SOX5: variants seen among roughly 807,000 people sequenced by gnomAD.
SOX5 encodes the protein transcription factor SOX-5.
SOX5 carries 9 observed loss-of-function variants against 92.0 expected under a neutral mutation model. The ratio of observed to expected loss-of-function variants is 0.10; its 90% CI spans 0.06 to 0.17. The LOEUF is 0.17. SOX5 is among the 10% of genes least tolerant of loss of function. The pLI is 1.00. For synonymous variants in SOX5, 344 were observed against 336.3 expected, an observed-to-expected ratio of 1.02 and a Z score of -0.25; for missense variants, 642 against 944.5, an observed-to-expected ratio of 0.68 and a Z score of 4.20.
chr12:24,321,586 T>A (rs1950215052), intron 2 of SOX5, among the ~76,000 whole-genome samples: 1 of 152,224 alleles, frequency 6.6e-6, no homozygotes, highest in Admixed American at 6.5e-5. Context: ...TCATTTCATA[T>A]TCATACTAGA....
chr12:23,982,026 A>T (rs1192113263), intron 4 of SOX5, among the ~76,000 whole-genome samples: 2 of 152,164 alleles, frequency 1.3e-5, no homozygotes, highest in Non-Finnish European at 2.9e-5. Flanking sequence ...TCTATATGTG[A>T]TCAACATCCA....
At chr12:23,749,792 T>C (rs1457193090) in intron 4 of SOX5, among the ~76,000 whole-genome samples, 1 of 151,936 alleles carries the variant, frequency 6.6e-6, no homozygotes, top group African/African-American at 2.4e-5. Context: ...AAATATCACA[T>C]TAAATCTGCT....
chr12:24,051,149 T>C (rs566928870), intron 4 of SOX5, among the ~76,000 whole-genome samples: 1 of 152,174 alleles, frequency 6.6e-6, no homozygotes. Context: ...GAAAAGATTA[T>C]TAAAGATTCA....
At chr12:24,093,833 C>T (rs1471466137) in intron 4 of SOX5, among the ~76,000 whole-genome samples, 2 of 152,014 alleles carry the variant, frequency 1.3e-5, no homozygotes, top group Non-Finnish European at 2.9e-5. Flanking sequence ...GTACCAGTTT[C>T]TACTGCCACT....
chr12:24,395,030 TCTA>T, intron 1 of SOX5, among the ~76,000 whole-genome samples: 1 of 152,336 alleles, frequency 6.6e-6, no homozygotes, highest in South Asian at 2.1e-4. Flanking sequence ...TAATGAGTAT[TCTA>T]CTATAGCCAG....
intron 1 of SOX5, among the ~76,000 whole-genome samples, chr12:24,436,327 A>G (rs982796511): frequency 6.6e-6 from 1 of 152,234 alleles, no homozygotes. Flanking sequence ...AGAGAATTAA[A>G]GGTGCTACTG....
chr12:24,322,794 G>A (rs780696601), intron 2 of SOX5, among the ~76,000 whole-genome samples: 1 of 152,086 alleles, frequency 6.6e-6, no homozygotes, highest in Non-Finnish European at 1.5e-5. Flanking sequence ...ACTCACAAAA[G>A]GATGAAGTGA....
intron 1 of SOX5, among the ~76,000 whole-genome samples, chr12:24,486,089 A>T (rs1381280744): frequency 6.6e-6 from 1 of 152,014 alleles, no homozygotes; most frequent in African/African-American, 2.4e-5. Flanking sequence ...AGTAACTGGA[A>T]CTACAGGCAC....
chr12:23,686,140 G>A (rs1201120067), intron 6 of SOX5, among the ~76,000 whole-genome samples: 1 of 152,114 alleles, frequency 6.6e-6, no homozygotes, highest in African/African-American at 2.4e-5. Context: ...GAACAGAGCA[G>A]TCTATAAAAA....
chr12:24,051,905 T>A (rs1189401471), intron 4 of SOX5, among the ~76,000 whole-genome samples: 1 of 152,224 alleles, frequency 6.6e-6, no homozygotes, highest in African/African-American at 2.4e-5. Context: ...AGCTCCTACC[T>A]TTTTACAGAA....
At chr12:24,319,792 T>C (rs142887622) in intron 2 of SOX5, among the ~76,000 whole-genome samples, 22 of 152,356 alleles carry the variant, frequency 1.4e-4, no homozygotes, top group Non-Finnish European at 5.9e-5. Context: ...AAGGCCATCA[T>C]CTTGCACTAT....
chr12:23,676,364 C>G (rs147487608), intron 6 of SOX5, among the ~76,000 whole-genome samples: 25 of 152,178 alleles, frequency 1.6e-4, no homozygotes, highest in African/African-American at 5.5e-4. Context: ...AAATGAATAA[C>G]TGAATATTTT....
At chr12:23,747,360 T>C (rs1163990424) in intron 4 of SOX5, among the ~76,000 whole-genome samples, 2 of 152,136 alleles carry the variant, frequency 1.3e-5, no homozygotes, top group Non-Finnish European at 2.9e-5. Flanking sequence ...AAACAAACGT[T>C]CATAGTTATC....
At chr12:23,704,014 A>G (rs1207029327) in intron 6 of SOX5, among the ~76,000 whole-genome samples, 2 of 152,008 alleles carry the variant, frequency 1.3e-5, no homozygotes, top group African/African-American at 4.8e-5. Flanking sequence ...GATTAATATA[A>G]TACGATTTCT....
In SOX5 at chr12:23,641,869, G is replaced by A. The variant is rs142839937; in HGVS notation, c.932-972C>T. Reference sequence around the variant, plus strand: ...ATAAAAAATGTGTTGAATATTGCACGCATGAAAAATATAACTTAAAATAAC... The same window carrying A: ...ATAAAAAATGTGTTGAATATTGCACACATGAAAAATATAACTTAAAATAAC... On this transcript the variant is annotated intron_variant, in intron 7 of 14. Coordinates refer to ENST00000451604, the MANE Select transcript of SOX5 (RefSeq NM_006940.6). Among the ~76,000 whole-genome samples, 25 of 152,188 alleles carry A rather than the reference G, an allele frequency of 1.6e-4. No individual in the cohort carries two copies. In the East Asian group the frequency reaches 4.4e-3, roughly 27 times the overall value.
At chr12:23,775,258 G>C (rs2095061701) in intron 3 of SOX5, among the ~76,000 whole-genome samples, 1 of 152,174 alleles carries the variant, frequency 6.6e-6, no homozygotes, top group African/African-American at 2.4e-5. Flanking sequence ...GCATGGTGCT[G>C]TGGTTTATAT....
intron 2 of SOX5, among the ~76,000 whole-genome samples, chr12:24,285,300 G>A (rs1244951036): frequency 4.0e-5 from 6 of 150,346 alleles, no homozygotes; most frequent in East Asian, 3.8e-4. Flanking sequence ...TCAAGACTTT[G>A]TAAAGCATGG....
Position 23,999,222 on chromosome 12 carries a change from G to A in SOX5, c.-1-103198C>T, listed in dbSNP as rs572711331. On this transcript the variant is annotated intron_variant, in intron 4 of 4. Transcript: ENST00000446891. ...GATTTAAAAGACAACTGCCTGCTAC[G>A]TGATCTCACTTATATGTAGTATCTT... Among the ~76,000 whole-genome samples, 7 of 149,620 alleles carry A rather than the reference G, an allele frequency of 4.7e-5. No individual in the cohort carries two copies. In the South Asian group the frequency reaches 6.4e-4, roughly 14 times the overall value.
chr12:24,313,194 C>A (rs1949361388), intron 2 of SOX5, among the ~76,000 whole-genome samples: 1 of 152,104 alleles, frequency 6.6e-6, no homozygotes, highest in South Asian at 2.1e-4. Flanking sequence ...CTTAAATGAT[C>A]TAGCTCAAAT....
Sources: gnomAD v4.1 joint callset for allele counts (sites outside exome capture counted in the v4.1 genomes callset) on GRCh38, gnomAD v4.1.1 for gene constraint, MANE v1.5 for transcripts, NCBI Gene and HGNC (gene_info 2026-07-23, HGNC 2026-07-21) for gene names.